BCL2: variants seen among roughly 807,000 people sequenced by gnomAD.
BCL2 encodes BCL2 apoptosis regulator.
BCL2 carries 1 observed loss-of-function variant against 14.2 expected under a neutral mutation model. The observed-to-expected ratio is 0.07, with a 90% CI of 0.02 to 0.33. The LOEUF (loss-of-function observed/expected upper bound fraction) is 0.33, where lower values mean the gene tolerates loss of function less well. BCL2 is among the 10% of genes least tolerant of loss of function. The pLI is 0.99. For synonymous variants in BCL2, 151 were observed against 137.2 expected (o/e 1.10, Z -0.70); for missense variants, 247 against 305.9 (o/e 0.81, Z 1.44).
At chr18:63,169,076 T>C (rs1213962101) in intron 2 of BCL2, among the ~76,000 whole-genome samples, 1 of 152,258 alleles carries the variant, frequency 6.6e-6, no homozygotes, top group African/African-American at 2.4e-5. Context: ...GCCTTGATTC[T>C]GAGAATCTAA....
intron 2 of BCL2, among the ~76,000 whole-genome samples, chr18:63,156,909 T>C (rs1914798003): frequency 1.3e-5 from 2 of 152,108 alleles, no homozygotes; most frequent in African/African-American, 4.8e-5. Flanking sequence ...TTGCCCTCCG[T>C]TTTCTTCCCT....
chr18:63,196,446 A>G (rs1190447010), intron 2 of BCL2, among the ~76,000 whole-genome samples: 1 of 152,180 alleles, frequency 6.6e-6, no homozygotes, highest in African/African-American at 2.4e-5. Flanking sequence ...TAGGTAACTT[A>G]GTCACTTGGT....
At chr18:63,157,348 C>T (rs1300546561) in intron 2 of BCL2, among the ~76,000 whole-genome samples, 1 of 152,102 alleles carries the variant, frequency 6.6e-6, no homozygotes, top group Non-Finnish European at 1.5e-5. Context: ...TTGGGATATG[C>T]CGCCCAGGAG....
chr18:63,201,505 A>G (rs1296818365), intron 2 of BCL2, among the ~76,000 whole-genome samples: 2 of 152,198 alleles, frequency 1.3e-5, no homozygotes, highest in Admixed American at 1.3e-4. Context: ...ATGTGTCTTC[A>G]TAGTAGAAGG....
intron 2 of BCL2, among the ~76,000 whole-genome samples, chr18:63,285,039 A>G (rs762070584): frequency 1.3e-5 from 2 of 152,218 alleles, no homozygotes; most frequent in Non-Finnish European, 2.9e-5. Context: ...CAGGGAGCAG[A>G]GACCTCACAA....
intron 2 of BCL2, among the ~76,000 whole-genome samples, chr18:63,311,370 A>T (rs536013578): frequency 3.9e-5 from 6 of 152,336 alleles, no homozygotes; most frequent in Non-Finnish European, 1.5e-5. Context: ...CAAGTATTAA[A>T]ATTGGTAAAC....
chr18:63,306,008 G>A (rs1051322700), intron 2 of BCL2, among the ~76,000 whole-genome samples: 2 of 152,088 alleles, frequency 1.3e-5, no homozygotes, highest in South Asian at 2.1e-4. Context: ...CCCGGAGTTC[G>A]AGGCAGCAGT....
At chr18:63,248,507 A>G (rs1484608788) in intron 2 of BCL2, among the ~76,000 whole-genome samples, 2 of 152,238 alleles carry the variant, frequency 1.3e-5, no homozygotes, top group Admixed American at 6.5e-5. Flanking sequence ...TCCATTTTGT[A>G]AAATCTTCTC....
rs964029393 is a variant in BCL2 at position 63,149,947 on chromosome 18, T to A, written c.586-21188A>T. 5.9e-5 allele frequency among the ~76,000 whole-genome samples: 9 copies of A among 152,206 alleles called. No homozygotes were observed. The highest frequency in any genetic ancestry group is 2.2e-4 in the African/African-American group (9 of 41,524). On this transcript the variant is annotated intron_variant, in intron 2 of 2. Transcript: ENST00000333681. The surrounding 1 kb of genome is among the most constrained non-coding windows in gnomAD (Gnocchi z 4.2). ...CAGGCTGGAGTGCAGTGGTGCGATC[T>A]CGGCTCACTGCAGCCTCTGCCTCCC... is the stretch of plus-strand genomic sequence containing the variant.
At position 63,127,083 on chromosome 18, in the gene BCL2, C is replaced by T. The variant is rs931639923; in HGVS notation, c.*1542G>A. 4.4e-6 allele frequency: 1 copy of T among 228,208 alleles called. No homozygotes were observed. The highest frequency in any genetic ancestry group is 8.7e-6 in the Non-Finnish European group (1 of 115,054). The allele number at this position is 228,208 out of a possible 1,614,324, so 14.1% of individuals were successfully genotyped here. ...GTACAGATAACCCCCATATTCCACA[C>T]CTGGAACTTTTTTTTTGTCAGGTTT... On this transcript the variant is annotated 3_prime_UTR_variant, in exon 3 of 3. Coordinates refer to ENST00000333681, the MANE Select transcript of BCL2 (RefSeq NM_000633.3).
chr18:63,266,656 C>CAA (rs1555705644), intron 2 of BCL2, among the ~76,000 whole-genome samples: 8 of 150,436 alleles, frequency 5.3e-5, no homozygotes, highest in South Asian at 2.1e-4. Context: ...CACACACACA[C>CAA]AAAAATATAT....
chr18:63,203,964 T>A (rs1464661372), intron 2 of BCL2, among the ~76,000 whole-genome samples: 2 of 152,216 alleles, frequency 1.3e-5, no homozygotes, highest in African/African-American at 2.4e-5. Context: ...ATTTCCTATC[T>A]AAAGTCTTTT....
At chr18:63,218,554 CAG>C (rs1910272572) in intron 2 of BCL2, among the ~76,000 whole-genome samples, 1 of 146,908 alleles carries the variant, frequency 6.8e-6, no homozygotes, top group Non-Finnish European at 1.5e-5. Flanking sequence ...CCTGGAAATC[CAG>C]AGTCTTGGCC....
intron 2 of BCL2, among the ~76,000 whole-genome samples, chr18:63,215,280 C>T (rs1910168619): frequency 1.3e-5 from 2 of 152,106 alleles, no homozygotes; most frequent in South Asian, 4.1e-4. Context: ...ATGTCTATTC[C>T]AATCTAAAAA....
intron 2 of BCL2, among the ~76,000 whole-genome samples, chr18:63,167,474 C>T (rs1441124512): frequency 1.3e-5 from 2 of 152,130 alleles, no homozygotes; most frequent in East Asian, 3.9e-4. Flanking sequence ...TCTTTGGGCA[C>T]ATTTAAAAAT....
chr18:63,251,562 G>A (rs1428900129), intron 2 of BCL2, among the ~76,000 whole-genome samples: 10 of 150,010 alleles, frequency 6.7e-5, no homozygotes, highest in Non-Finnish European at 1.2e-4. Context: ...GGAGAATGGC[G>A]TGAACCCGGG....
intron 2 of BCL2, among the ~76,000 whole-genome samples, chr18:63,184,563 A>T (rs1421151785): frequency 2.0e-5 from 3 of 152,244 alleles, no homozygotes; most frequent in Non-Finnish European, 4.4e-5. Flanking sequence ...CAGACTGTAA[A>T]TAAAACCTCA....
rs57058660 is a variant in BCL2 at position 63,213,547 on chromosome 18, A to AACACACACACAC, written c.586-84800_586-84789dup. On this transcript the variant is annotated intron_variant, in intron 2 of 2. Coordinates refer to ENST00000333681, the MANE Select transcript of BCL2 (RefSeq NM_000633.3). ...TAAACCACACACACACACACACATA[A>AACACACACACAC]ACACACACACACACACACACACACA... is the stretch of plus-strand genomic sequence containing the variant. Among the ~76,000 whole-genome samples, 315 of 146,342 alleles carry AACACACACACAC rather than the reference A, an allele frequency of 2.2e-3. 1 individual carries two copies. The highest frequency in any genetic ancestry group is 2.8e-3 in the Non-Finnish European group (184 of 66,780).
intron 2 of BCL2, among the ~76,000 whole-genome samples, chr18:63,217,556 C>G (rs1910239126): frequency 6.6e-6 from 1 of 152,176 alleles, no homozygotes; most frequent in African/African-American, 2.4e-5. Flanking sequence ...CCACATTTCC[C>G]AAAAGCATCA....
Sources: allele counts gnomAD v4.1 joint callset (sites outside exome capture counted in the v4.1 genomes callset), GRCh38; gene constraint gnomAD v4.1.1; non-coding constraint Gnocchi (gnomAD v3.1); transcripts MANE v1.5; gene names NCBI Gene and HGNC (gene_info 2026-07-23, HGNC 2026-07-21).